The following SEM1 variants were observed in gnomAD, a reference collection of about 807,000 sequenced individuals.
The protein encoded by SEM1 is 26S proteasome complex subunit SEM1.
A neutral mutation model predicts 12.7 loss-of-function variants in SEM1; 3 were observed. The ratio of observed to expected loss-of-function variants is 0.24; its 90% CI spans 0.11 to 0.61. The LOEUF (loss-of-function observed/expected upper bound fraction) is 0.61, where lower values mean the gene tolerates loss of function less well. Ranked by LOEUF, SEM1 falls within the 20% of genes least tolerant of loss-of-function variation. The probability of loss-of-function intolerance (pLI) is 0.88; values close to 1 mark genes in which losing one functional copy is unlikely to be tolerated. For synonymous variants in SEM1, 30 were observed against 27.8 expected, an observed-to-expected ratio of 1.08 and a Z score of -0.25; for missense variants, 59 against 81.3, an observed-to-expected ratio of 0.73 and a Z score of 1.06.
intron 2 of SEM1, among the ~76,000 whole-genome samples, chr7:96,562,828 CTGT>C (rs1462440764): frequency 6.6e-6 from 1 of 152,120 alleles, no homozygotes; most frequent in Non-Finnish European, 1.5e-5. Flanking sequence ...ATGCGTGGCT[CTGT>C]TGTTTTATTT....
chr7:96,614,412 A>C (rs1478959902), intron 2 of SEM1, among the ~76,000 whole-genome samples: 1 of 152,220 alleles, frequency 6.6e-6, no homozygotes, highest in African/African-American at 2.4e-5. Flanking sequence ...TCAGCCCAGA[A>C]GTAGAACCAG....
downstream of SEM1, among the ~76,000 whole-genome samples, chr7:96,669,841 T>C (rs1001398330): frequency 6.6e-6 from 1 of 152,212 alleles, no homozygotes; most frequent in African/African-American, 2.4e-5. Context: ...GATATTTTAA[T>C]AGTAGCACAA....
At chr7:96,539,340 G>A (rs1423465900) in intron 2 of SEM1, among the ~76,000 whole-genome samples, 5 of 151,676 alleles carry the variant, frequency 3.3e-5, no homozygotes, top group African/African-American at 1.2e-4. Flanking sequence ...GCTGCTATTG[G>A]GAGTAATTTG....
intron 1 of SEM1, among the ~76,000 whole-genome samples, chr7:96,698,074 T>C (rs1790153617): frequency 6.6e-6 from 1 of 152,142 alleles, no homozygotes; most frequent in Non-Finnish European, 1.5e-5. Flanking sequence ...GGCAGGCTGT[T>C]GGTGAGCTTT....
chr7:96,483,793 G>C, exon 4 of SEM1: 1 of 1,528,074 alleles, frequency 6.5e-7, no homozygotes, highest in Non-Finnish European at 8.8e-7. Context: ...TCTGGTATCA[G>C]CATGTTTACT....
intron 2 of SEM1, among the ~76,000 whole-genome samples, chr7:96,485,436 C>T (rs1191578441): frequency 1.3e-5 from 2 of 151,950 alleles, no homozygotes; most frequent in Non-Finnish European, 2.9e-5. Flanking sequence ...TTCCCAACTC[C>T]TCCTACTCAC....
At chr7:96,694,777 A>G (rs748942672) in intron 2 of SEM1, 21 bp downstream of exon 2, 2 of 1,481,068 alleles carry the variant, frequency 1.4e-6, no homozygotes, top group African/African-American at 2.8e-5. Flanking sequence ...AACTACAATA[A>G]AAATCTGGCT....
chr7:96,515,623 AC>A (rs1804067479), intron 2 of SEM1, among the ~76,000 whole-genome samples: 1 of 152,164 alleles, frequency 6.6e-6, no homozygotes, highest in Non-Finnish European at 1.5e-5. Flanking sequence ...CTTGGAACCA[AC>A]CTAAATGTCC....
At chr7:96,620,995 G>A (rs1019888043), downstream of SEM1, among the ~76,000 whole-genome samples, 1 of 152,078 alleles carries the variant, frequency 6.6e-6, no homozygotes, top group Non-Finnish European at 1.5e-5. Context: ...TCATCTTCCA[G>A]GACGCCCTCT....
At chr7:96,663,549 G>A (rs1327680237) in intron 2 of SEM1, among the ~76,000 whole-genome samples, 1 of 152,202 alleles carries the variant, frequency 6.6e-6, no homozygotes, top group Non-Finnish European at 1.5e-5. Context: ...GCCTCTGCCT[G>A]CAGTGCCACA....
chr7:96,525,785 G>C (rs1804442816), intron 2 of SEM1, among the ~76,000 whole-genome samples: 1 of 152,086 alleles, frequency 6.6e-6, no homozygotes. Flanking sequence ...CTCCTCATAG[G>C]AACGCCAACC....
intron 2 of SEM1, among the ~76,000 whole-genome samples, chr7:96,610,208 T>C (rs981453074): frequency 1.3e-4 from 20 of 152,042 alleles, no homozygotes; most frequent in Non-Finnish European, 2.9e-4. Flanking sequence ...CAAGTGATTC[T>C]CCTGCCTCAG....
At chr7:96,598,858 T>C (rs1370212827) in intron 2 of SEM1, among the ~76,000 whole-genome samples, 1 of 152,178 alleles carries the variant, frequency 6.6e-6, no homozygotes, top group Non-Finnish European at 1.5e-5. Context: ...TAAACTTCCA[T>C]CCTGATGTGA....
At chr7:96,697,106 T>C (rs1293659666) in intron 1 of SEM1, 1 of 151,832 alleles carries the variant, frequency 6.6e-6, no homozygotes, top group Admixed American at 6.6e-5. Context: ...AGAATTGTGA[T>C]TAATCATGTA....
intron 2 of SEM1, among the ~76,000 whole-genome samples, chr7:96,608,275 G>A (rs1446710632): frequency 6.6e-6 from 1 of 152,182 alleles, no homozygotes; most frequent in Non-Finnish European, 1.5e-5. Context: ...CCCCACCAGG[G>A]AGACTGGAGG....
At chr7:96,670,133 T>C (rs1266444254), downstream of SEM1, among the ~76,000 whole-genome samples, 1 of 152,198 alleles carries the variant, frequency 6.6e-6, no homozygotes, top group East Asian at 1.9e-4. Flanking sequence ...AAATTTCCAA[T>C]GTTAATCAAG....
At chr7:96,690,260 CA>C (rs1302963409) in intron 2 of SEM1, among the ~76,000 whole-genome samples, 5 of 151,964 alleles carry the variant, frequency 3.3e-5, no homozygotes, top group African/African-American at 1.2e-4. Flanking sequence ...AAACAATGAA[CA>C]AAAAAACCCC....
At chr7:96,680,979 G>A (rs1215254650) in intron 2 of SEM1, among the ~76,000 whole-genome samples, 1 of 152,068 alleles carries the variant, frequency 6.6e-6, no homozygotes, top group Admixed American at 6.6e-5. Flanking sequence ...AGATACCTTA[G>A]CTTAAATGAT....
At chr7:96,673,411 GAC>G (rs1789372815), downstream of SEM1, 3 of 210,714 alleles carry the variant, frequency 1.4e-5, no homozygotes, top group Non-Finnish European at 3.0e-5. Flanking sequence ...CACTGTGCCT[GAC>G]CTCCTTTTTA....
Sources: allele counts gnomAD v4.1 joint callset (sites outside exome capture counted in the v4.1 genomes callset), GRCh38; gene constraint gnomAD v4.1.1; transcripts MANE v1.5; gene names NCBI Gene and HGNC (gene_info 2026-07-23, HGNC 2026-07-21).